The following OSBPL10 variants were observed in gnomAD, a reference collection of about 807,000 sequenced individuals.
The protein encoded by OSBPL10 is oxysterol binding protein like 10.
In OSBPL10, 49 loss-of-function variants were observed where a neutral mutation model predicts 81.7. That is an observed-to-expected ratio of 0.60 (90% confidence interval 0.48 to 0.76). The LOEUF is 0.76. OSBPL10 is among the 30% of genes least tolerant of loss of function. OSBPL10 has a pLI of 0.00. For missense variants in OSBPL10, 923 were observed against 987.8 expected, an observed-to-expected ratio of 0.93 and a Z score of 0.88; for synonymous variants, 419 against 383.6, an observed-to-expected ratio of 1.09 and a Z score of -1.08.
chr3:31,823,509 A>T (rs1305708621), intron 4 of OSBPL10, among the ~76,000 whole-genome samples: 1 of 152,220 alleles, frequency 6.6e-6, no homozygotes, highest in Non-Finnish European at 1.5e-5. Flanking sequence ...TGGGAGACAC[A>T]TACATAACTT....
At chr3:31,700,833 A>G (rs9849345) in intron 7 of OSBPL10, among the ~76,000 whole-genome samples, 101,944 of 152,120 alleles carry the variant, frequency 0.67, 34,822 homozygotes, top group Middle Eastern at 0.73. Context: ...AAAAAACAAT[A>G]AGCATTATCC....
chr3:31,801,054 C>CT (rs1699365976), intron 4 of OSBPL10, among the ~76,000 whole-genome samples: 1 of 151,678 alleles, frequency 6.6e-6, no homozygotes, highest in Admixed American at 6.6e-5. Flanking sequence ...ACCATAGGTT[C>CT]TCCAACAGAG....
intron 4 of OSBPL10, among the ~76,000 whole-genome samples, chr3:31,772,736 C>G (rs766498126): frequency 2.0e-5 from 3 of 152,202 alleles, no homozygotes; most frequent in Non-Finnish European, 4.4e-5. Flanking sequence ...TTTCACCATT[C>G]TGTGTGTCTG....
intron 8 of OSBPL10, 103 bp from the exon 9 acceptor site, chr3:31,671,086 T>C (rs535385133): frequency 1.8e-6 from 2 of 1,125,620 alleles, no homozygotes; most frequent in South Asian, 3.3e-5. Context: ...CCTGCACAGA[T>C]GTCACATCTC....
intron 5 of OSBPL10, among the ~76,000 whole-genome samples, chr3:31,744,239 CA>C (rs1439478636): frequency 6.6e-6 from 1 of 152,074 alleles, no homozygotes; most frequent in East Asian, 1.9e-4. Context: ...GAAAACAGTC[CA>C]AAAGAAGGAG....
At position 31,664,252 on chromosome 3, in the gene OSBPL10, A is replaced by G. The variant is rs1700137664; in HGVS notation, c.2097-20T>C. ...AGGTTCCTGGGGATGCGTGGAGGAG[A>G]GGAAACAATCAGCCAGGCCAGCTGG... On this transcript the variant is annotated intron_variant, in intron 10 of 11. Transcript: ENST00000396556. The G allele has an allele frequency of 6.2e-7, 1 of 1,610,340 alleles. No homozygotes were observed. Among genetic ancestry groups the G allele is most frequent in the Admixed American group, 1.7e-5 (1 of 59,966 alleles).
intron 4 of OSBPL10, among the ~76,000 whole-genome samples, chr3:31,812,802 GAAAGAAAGAAAGAAAGAGAA>G (rs1559476476): frequency 1.4e-3 from 69 of 50,074 alleles, no homozygotes; most frequent in Non-Finnish European, 1.8e-3. Context: ...AAGAAAGAAA[GAAAGAAAGAAAGAAAGAGAA>G]AGAAAGAAAG....
intron 2 of OSBPL10, among the ~76,000 whole-genome samples, chr3:32,016,235 G>T (rs913135473): frequency 3.3e-4 from 51 of 152,288 alleles, no homozygotes; most frequent in African/African-American, 1.1e-3. Context: ...AGAAAATGTG[G>T]CACATATACA....
At chr3:31,748,621 C>T (rs1020951423) in intron 4 of OSBPL10, among the ~76,000 whole-genome samples, 1 of 138,666 alleles carries the variant, frequency 7.2e-6, no homozygotes, top group African/African-American at 2.7e-5. Context: ...GAAACCAATG[C>T]TGAGCCCCCT....
At chr3:31,718,363 G>T (rs949050042) in intron 6 of OSBPL10, 2 of 152,120 alleles carry the variant, frequency 1.3e-5, no homozygotes, top group Non-Finnish European at 2.9e-5. Context: ...TCCTGACCTC[G>T]TGATCTGTCT....
chr3:31,738,674 A>G (rs1291278044), intron 5 of OSBPL10, among the ~76,000 whole-genome samples: 4 of 152,162 alleles, frequency 2.6e-5, no homozygotes, highest in African/African-American at 9.7e-5. Context: ...TGCCTACTTG[A>G]CAGATGAAGA....
intron 7 of OSBPL10, among the ~76,000 whole-genome samples, chr3:31,689,242 G>C (rs1700880181): frequency 6.6e-6 from 1 of 152,096 alleles, no homozygotes; most frequent in African/African-American, 2.4e-5. Context: ...GAATTTTCTT[G>C]ACTAAAGGAG....
chr3:31,915,115 C>T (rs80138135), intron 1 of OSBPL10, among the ~76,000 whole-genome samples: 8,575 of 151,984 alleles, frequency 0.056, 411 homozygotes, highest in East Asian at 0.27. Flanking sequence ...TGCCTGTTGT[C>T]TTCTATCGTA....
At chr3:32,061,515 C>T (rs1552346) in intron 1 of OSBPL10, among the ~76,000 whole-genome samples, 53,850 of 92,592 alleles carry the variant, frequency 0.58, 23,332 homozygotes, top group East Asian at 0.84. Context: ...AATGCATTCT[C>T]CATACCAAAG....
At chr3:32,018,663 A>C (rs1699336069) in intron 2 of OSBPL10, among the ~76,000 whole-genome samples, 1 of 152,150 alleles carries the variant, frequency 6.6e-6, no homozygotes, top group Non-Finnish European at 1.5e-5. Flanking sequence ...CTATGATCAC[A>C]CCACTGCCCT....
intron 7 of OSBPL10, among the ~76,000 whole-genome samples, chr3:31,698,395 A>G (rs1467204623): frequency 6.6e-6 from 1 of 151,986 alleles, no homozygotes; most frequent in African/African-American, 2.4e-5. Flanking sequence ...AGGTTGCAGT[A>G]AGCCAAGATG....
intron 3 of OSBPL10, among the ~76,000 whole-genome samples, chr3:31,839,834 G>C (rs1183463934): frequency 7.3e-6 from 1 of 137,284 alleles, no homozygotes; most frequent in Admixed American, 8.1e-5. Context: ...AGCCAGGCAA[G>C]CCAGATGCCT....
intron 5 of OSBPL10, among the ~76,000 whole-genome samples, chr3:31,733,692 T>G (rs958177252): frequency 1.4e-5 from 2 of 147,440 alleles, no homozygotes; most frequent in African/African-American, 2.5e-5. Flanking sequence ...GGTGTTTTTT[T>G]TTTTTTTTTT....
intron 3 of OSBPL10, among the ~76,000 whole-genome samples, chr3:31,853,028 C>T (rs1700808444): frequency 6.6e-6 from 1 of 152,212 alleles, no homozygotes; most frequent in Non-Finnish European, 1.5e-5. Flanking sequence ...CAATGCAATG[C>T]ACTGGAGTTC....
Sources: gnomAD v4.1 joint callset for allele counts (sites outside exome capture counted in the v4.1 genomes callset) on GRCh38, gnomAD v4.1.1 for gene constraint, MANE v1.5 for transcripts, NCBI Gene and HGNC (gene_info 2026-07-23, HGNC 2026-07-21) for gene names.